IRAK4: variants seen among roughly 807,000 people sequenced by gnomAD.
The protein encoded by IRAK4 is interleukin-1 receptor-associated kinase 4.
Under a neutral mutation model 51.8 loss-of-function variants are expected in IRAK4, and 44 were observed. The observed-to-expected ratio is 0.85, with a 90% confidence interval of 0.67 to 1.09. The LOEUF is 1.09. IRAK4 is among the 50% of genes least tolerant of loss of function. IRAK4 has a pLI of 0.00. For missense variants in IRAK4, 487 were observed against 538.0 expected (o/e 0.91, Z 0.94); for synonymous variants, 149 against 174.1 (o/e 0.86, Z 1.13).
rs1940401510 is a variant in IRAK4 at position 43,768,429 on chromosome 12, T to C, written c.161+157T>C. 8.2e-6 allele frequency: 5 copies of C among 610,290 alleles called. No individual in the cohort carries two copies. The East Asian group carries it at 1.4e-4, about 17-fold the overall frequency. 37.8% of individuals were successfully genotyped at this position (610,290 alleles called of 1,614,324 possible). A position where few individuals can be genotyped will look rare whatever the true frequency, so the allele number is the denominator to read the frequency against. On this transcript the variant is annotated intron_variant, in intron 2 of 11. Transcript: ENST00000613694. ...GTAACCTCTTTTTGATTGTTCCTTT[T>C]GCAGTTTTGTCTTCTTTGTCCCATA... is the stretch of plus-strand genomic sequence containing the variant.
chr12:43,763,099 T>C (rs1170107471), intron 1 of IRAK4, among the ~76,000 whole-genome samples: 1 of 152,234 alleles, frequency 6.6e-6, no homozygotes, highest in Non-Finnish European at 1.5e-5. Flanking sequence ...GTCAAAATCA[T>C]GTTTAGTTAA....
rs1383856397 is a variant in IRAK4 at position 43,788,189 on chromosome 12, G to A, written c.*1474G>A. 2 of 152,214 alleles carry A rather than the reference G, an allele frequency of 1.3e-5. No homozygotes were observed. The highest frequency in any genetic ancestry group is 2.9e-5 in the Non-Finnish European group (2 of 68,062). The allele number at this position is 152,214 out of a possible 1,614,324, so 9.4% of individuals were successfully genotyped here. A position where few individuals can be genotyped will look rare whatever the true frequency, so the allele number is the denominator to read the frequency against. On this transcript the variant is annotated 3_prime_UTR_variant, in exon 12 of 12. Coordinates refer to ENST00000613694, the MANE Select transcript of IRAK4 (RefSeq NM_016123.4). Reference sequence around the variant, plus strand: ...TGATGATTTCCCATGATATTTACAGGTTTTGCCCACATTTGAGGGGTATGT... The same window carrying A: ...TGATGATTTCCCATGATATTTACAGATTTTGCCCACATTTGAGGGGTATGT...
chr12:43,762,521 T>C (rs974822517), intron 1 of IRAK4, among the ~76,000 whole-genome samples: 2 of 152,226 alleles, frequency 1.3e-5, no homozygotes, highest in African/African-American at 4.8e-5. Flanking sequence ...GCAACCTAGA[T>C]ACAATTTCTT....
At chr12:43,765,397 TG>T (rs1253488392) in intron 1 of IRAK4, among the ~76,000 whole-genome samples, 1 of 152,232 alleles carries the variant, frequency 6.6e-6, no homozygotes, top group African/African-American at 2.4e-5. Flanking sequence ...ATTTGTACAC[TG>T]CTGATTTTCT....
At chr12:43,779,319 A>C (rs189218373) in intron 8 of IRAK4, among the ~76,000 whole-genome samples, 5 of 152,306 alleles carry the variant, frequency 3.3e-5, no homozygotes, top group African/African-American at 1.2e-4. Context: ...AGGGTGGTGG[A>C]TTGGAGATAA....
chr12:43,768,000 G>A (rs750069816), intron 1 of IRAK4, 103 bp from the exon 2 acceptor site: 64 of 789,704 alleles, frequency 8.1e-5, no homozygotes, highest in Non-Finnish European at 1.3e-4. Context: ...GGTATAATCA[G>A]TTGCTGACAT....
At position 43,787,998 on chromosome 12, in the gene IRAK4, A is replaced by G; in HGVS notation, c.*1283A>G. ...CTGGAACCAGGGAGGTAGAGGTTGC[A>G]GTGAGCTGAGATCGTGCCACTGCAC... On this transcript the variant is annotated 3_prime_UTR_variant, in exon 12 of 12. Coordinates refer to ENST00000613694, the MANE Select transcript of IRAK4 (RefSeq NM_016123.4). 1 of 152,360 alleles carries G rather than the reference A, an allele frequency of 6.6e-6. No individual in the cohort carries two copies. Among genetic ancestry groups the G allele is most frequent in the South Asian group, 2.1e-4 (1 of 4,834 alleles). The allele number at this position is 152,360 out of a possible 1,614,324, so 9.4% of individuals were successfully genotyped here. A position where few individuals can be genotyped will look rare whatever the true frequency, so the allele number is the denominator to read the frequency against.
At chr12:43,780,602 A>C (rs1264423604) in intron 8 of IRAK4, among the ~76,000 whole-genome samples, 2 of 130,796 alleles carry the variant, frequency 1.5e-5, no homozygotes, top group Non-Finnish European at 1.6e-5. Flanking sequence ...GACAAGTTTC[A>C]CTCTTGTTGC....
chr12:43,772,086 G>T, intron 3 of IRAK4, 94 bp from the exon 4 acceptor site: 1 of 952,608 alleles, frequency 1.0e-6, no homozygotes, highest in Non-Finnish European at 1.7e-6. Flanking sequence ...TGTAGAAACT[G>T]GAATGATATT....
chr12:43,768,947 T>G (rs1022848911), intron 2 of IRAK4, among the ~76,000 whole-genome samples: 8 of 152,328 alleles, frequency 5.3e-5, no homozygotes, highest in Admixed American at 2.6e-4. Flanking sequence ...AGCATTAATC[T>G]GGGAAAGAAC....
In IRAK4 at chr12:43,778,297, T is replaced by G; in HGVS notation, c.936T>G (p.Ile312Met). ...LHENHHIHRD[I>M]KSANILLDEA... is the part of the protein sequence containing the mutation. ...AAAATCATCATATTCATAGAGATAT[T>G]AAAAGGTAAATGCTACTGTTTAAAA... Residue 312 changes from isoleucine (I) to methionine (M), a missense_variant, in exon 8 of 12, where the codon ATT becomes ATG. Physicochemically the swap from Ile to Met is conservative, Grantham distance 10 (BLOSUM62 1). Transcript: ENST00000613694. 2 of 1,537,936 alleles carry G rather than the reference T, an allele frequency of 1.3e-6. No individual in the cohort carries two copies. The highest frequency in any genetic ancestry group is 1.8e-6 in the Non-Finnish European group (2 of 1,110,918).
chr12:43,772,294 T>C lies in IRAK4; in HGVS notation c.422T>C (p.Leu141Pro). The C allele has an allele frequency of 6.2e-7, 1 of 1,613,910 alleles. No homozygotes were observed. The highest frequency in any genetic ancestry group is 8.5e-7 in the Non-Finnish European group (1 of 1,179,962). ...ACATTGATGACACCTGTGCAGAATC[T>C]TGAACAAAGCTATATGCCACCTGAC... The part of the protein sequence containing the change: ...DRTLMTPVQN[L>P]EQSYMPPDSS... Residue 141 changes from leucine to proline, a missense_variant, in exon 4 of 12, where the codon CTT becomes CCT. Transcript: ENST00000613694.
chr12:43,781,267 G>T (rs1017936730), intron 8 of IRAK4, among the ~76,000 whole-genome samples: 1 of 152,008 alleles, frequency 6.6e-6, no homozygotes, highest in African/African-American at 2.4e-5. Flanking sequence ...ACAAACCTTC[G>T]TAGTCAACCT....
At chr12:43,771,474 C>A in intron 3 of IRAK4, 109 bp downstream of exon 3, 1 of 1,138,328 alleles carries the variant, frequency 8.8e-7, no homozygotes, top group Non-Finnish European at 1.3e-6. Flanking sequence ...ATGAAGCTTA[C>A]ATTTGAGAGT....
At chr12:43,778,094 A>G in intron 7 of IRAK4, 99 bp from the exon 8 acceptor site, 1 of 743,376 alleles carries the variant, frequency 1.3e-6, no homozygotes. Flanking sequence ...CTATAACATC[A>G]TCTTCAGTTG....
At chr12:43,780,607 T>C (rs1322942085) in intron 8 of IRAK4, among the ~76,000 whole-genome samples, 1 of 151,972 alleles carries the variant, frequency 6.6e-6, no homozygotes, top group East Asian at 1.9e-4. Flanking sequence ...GTTTCACTCT[T>C]GTTGCCCAGG....
At chr12:43,768,744 A>G (rs778997521) in intron 2 of IRAK4, among the ~76,000 whole-genome samples, 7 of 152,246 alleles carry the variant, frequency 4.6e-5, no homozygotes, top group Non-Finnish European at 7.3e-5. Context: ...TTCTGTGCAC[A>G]GAATTCTTAA....
At position 43,777,616 on chromosome 12, in the gene IRAK4, ATTAT is replaced by A; in HGVS notation, c.717-11_717-8del. 6.3e-7 allele frequency: 1 copy of A among 1,593,206 alleles called. No homozygotes were observed. The highest frequency in any genetic ancestry group is 8.6e-7 in the Non-Finnish European group (1 of 1,169,092). ...TTATTATAATAATTTTGCATGAAAA[ATTAT>A]TTGTCACAGGTGTCAACATGAAAAC... On this transcript the variant is annotated splice_polypyrimidine_tract_variant and intron_variant, in intron 6 of 11. Coordinates refer to ENST00000613694, the MANE Select transcript of IRAK4 (RefSeq NM_016123.4).
rs770469230 is a variant in IRAK4, at chr12:43,778,312, A to C, written c.941+10A>C. On this transcript the variant is annotated intron_variant, in intron 8 of 11. Transcript: ENST00000613694. The stretch of plus-strand genomic sequence containing the variant: ...ATAGAGATATTAAAAGGTAAATGCT[A>C]CTGTTTAAAAGTTTTTGGAAAGCTG... The C allele has an allele frequency of 2.7e-6, 4 of 1,456,608 alleles. No homozygotes were observed. The South Asian group carries it at 4.6e-5, about 17-fold the overall frequency. The allele number at this position is 1,456,608 out of a possible 1,614,324, so 90.2% of individuals were successfully genotyped here. A position where few individuals can be genotyped will look rare whatever the true frequency, so the allele number is the denominator to read the frequency against.
Sources: allele counts gnomAD v4.1 joint callset (sites outside exome capture counted in the v4.1 genomes callset), GRCh38; gene constraint gnomAD v4.1.1; transcripts MANE v1.5; gene names NCBI Gene and HGNC (gene_info 2026-07-23, HGNC 2026-07-21).